Variants in SLC25A46 observed in about 807,000 individuals in gnomAD.
SLC25A46 encodes solute carrier family 25 member 46.
In SLC25A46, 39 loss-of-function variants were observed where a neutral mutation model predicts 44.6. That is an observed-to-expected ratio of 0.87 (90% confidence interval 0.68 to 1.14). SLC25A46 has a LOEUF of 1.14. SLC25A46 is among the 50% of genes most tolerant of loss of function. SLC25A46 has a pLI of 0.00. For synonymous variants in SLC25A46, 202 were observed against 185.8 expected (o/e 1.09, Z -0.71); for missense variants, 547 against 522.7 (o/e 1.05, Z -0.45).
At chr5:110,749,436 A>G (rs1442095930) in intron 5 of SLC25A46, among the ~76,000 whole-genome samples, 1 of 151,662 alleles carries the variant, frequency 6.6e-6, no homozygotes, top group Non-Finnish European at 1.5e-5. Flanking sequence ...AGGAGAAAGC[A>G]TAGATTAAAT....
In SLC25A46 at chr5:110,758,129, T is replaced by A. The variant is rs1232374431; in HGVS notation, c.678+1370T>A. Among the ~76,000 whole-genome samples the A allele has an allele frequency of 2.6e-5, 4 of 152,152 alleles. 1 individual carries two copies. The highest frequency in any genetic ancestry group is 5.9e-5 in the Non-Finnish European group (4 of 68,032). ...TTTTGATCTCTTTTGTCTGCTTTTC[T>A]AGAACTCTTTTTTCTTTAGATTTCT... On this transcript the variant is annotated intron_variant, in intron 7 of 7. Transcript: ENST00000355943.
chr5:110,761,186 T>C lies in SLC25A46; in HGVS notation c.679-18T>C. 6.4e-7 allele frequency: 1 copy of C among 1,557,710 alleles called. No individual in the cohort carries two copies. The highest frequency in any genetic ancestry group is 1.4e-5 in the African/African-American group (1 of 72,498). On this transcript the variant is annotated intron_variant, in intron 7 of 7. Transcript: ENST00000355943. This position sits in a 1 kb window ranked among gnomAD's most constrained non-coding sequence, Gnocchi z 5.3. The stretch of plus-strand genomic sequence containing the variant: ...AAGCAAATGTTAAGTTTTACTTATT[T>C]CATCATTTTTATTTCAGAGTGAGAT...
rs1461781517 is a variant in SLC25A46, at chr5:110,761,180, CTTAT to C, written c.679-21_679-18del. The C allele has an allele frequency of 6.5e-7, 1 of 1,545,678 alleles. No individual in the cohort carries two copies. Among genetic ancestry groups the C allele is most frequent in the South Asian group, 1.2e-5 (1 of 82,374 alleles). On this transcript the variant is annotated intron_variant, in intron 7 of 7. Transcript: ENST00000355943. This position sits in a 1 kb window ranked among gnomAD's most constrained non-coding sequence, Gnocchi z 5.3. ...CAAAATAAGCAAATGTTAAGTTTTA[CTTAT>C]TTCATCATTTTTATTTCAGAGTGAG... is the stretch of plus-strand genomic sequence containing the variant.
intron 5 of SLC25A46, chr5:110,754,442 T>A (rs1800053654): frequency 6.6e-6 from 1 of 151,468 alleles, no homozygotes; most frequent in Admixed American, 6.6e-5. Context: ...CTTTTTGGAC[T>A]TTTCTCTTGA....
chr5:110,739,081 G>A lies in SLC25A46; in HGVS notation c.-39G>A, dbSNP rs770235761. 8 of 1,535,988 alleles carry A rather than the reference G, an allele frequency of 5.2e-6. No homozygotes were observed. In the South Asian group the frequency reaches 6.0e-5, roughly 11 times the overall value. ...AGGTCGTGGTGGCCCCGGTGGTGGT[G>A]GGCTCCGGGCGGGCTCGCGTCATCC... On this transcript the variant is annotated 5_prime_UTR_variant, in exon 1 of 8. Coordinates refer to ENST00000355943, the MANE Select transcript of SLC25A46 (RefSeq NM_138773.4).
Position 110,745,345 on chromosome 5 carries a change from C to T in SLC25A46, c.385-924C>T, listed in dbSNP as rs561038994. 1.2e-4 allele frequency among the ~76,000 whole-genome samples: 18 copies of T among 152,248 alleles called. No homozygotes were observed. In the South Asian group the frequency reaches 3.5e-3, roughly 30 times the overall value. ...CTCGGCTCACTGCAAACTCCGCCTCCTGGGTTCACGCCATTCTCCTGCCTC... is the reference window on the plus strand; with the variant it reads ...CTCGGCTCACTGCAAACTCCGCCTCTTGGGTTCACGCCATTCTCCTGCCTC... On this transcript the variant is annotated intron_variant, in intron 3 of 7. Coordinates refer to ENST00000355943, the MANE Select transcript of SLC25A46 (RefSeq NM_138773.4).
At chr5:110,755,428 G>A in intron 5 of SLC25A46, 37 bp from the exon 6 acceptor site, 1 of 1,313,578 alleles carries the variant, frequency 7.6e-7, no homozygotes, top group Non-Finnish European at 1.1e-6. Context: ...TAAATAACAT[G>A]GCTTTTGTTT....
chr5:110,764,493 T>C lies in SLC25A46; in HGVS notation c.*2711T>C, dbSNP rs926827938. On this transcript the variant is annotated 3_prime_UTR_variant, in exon 8 of 8. Coordinates refer to ENST00000355943, the MANE Select transcript of SLC25A46 (RefSeq NM_138773.4). Reference sequence around the variant, plus strand: ...GGTATTTAATACCTTAGCTGGTGTTTTCAGAAGCATACAGAACTGGAAAGG... The same window carrying C: ...GGTATTTAATACCTTAGCTGGTGTTCTCAGAAGCATACAGAACTGGAAAGG... 5.9e-5 allele frequency: 9 copies of C among 151,884 alleles called. No homozygotes were observed. Among genetic ancestry groups the C allele is most frequent in the African/African-American group, 2.2e-4 (9 of 41,416 alleles). The allele number at this position is 151,884 out of a possible 1,614,324, so 9.4% of individuals were successfully genotyped here.
At position 110,762,136 on chromosome 5, in the gene SLC25A46, C is replaced by T. The variant is rs1309214579; in HGVS notation, c.*354C>T. On this transcript the variant is annotated 3_prime_UTR_variant, in exon 8 of 8. Transcript: ENST00000355943. The stretch of plus-strand genomic sequence containing the variant: ...CCATCTGACTTCAATATTTGCCAAA[C>T]GTTTATTTTACCTCCTAGATTGATG... The T allele has an allele frequency of 2.0e-5, 4 of 204,572 alleles. No individual in the cohort carries two copies. The highest frequency in any genetic ancestry group is 8.3e-5 in the South Asian group (1 of 12,002). 12.7% of individuals were successfully genotyped at this position (204,572 alleles called of 1,614,324 possible).
At chr5:110,753,307 T>TG (rs937651579) in intron 5 of SLC25A46, 3 of 149,702 alleles carry the variant, frequency 2.0e-5, no homozygotes, top group Admixed American at 1.3e-4. Context: ...GTAAGTTTTT[T>TG]TTTTTTTTTT....
intron 6 of SLC25A46, 96 bp downstream of exon 6, chr5:110,755,617 GA>G (rs1270087639): frequency 1.4e-6 from 1 of 728,782 alleles, no homozygotes; most frequent in Non-Finnish European, 2.2e-6. Context: ...TGTAGAGAAG[GA>G]AATTAGAGCA....
chr5:110,741,407 G>A (rs1034663847), intron 1 of SLC25A46, among the ~76,000 whole-genome samples: 1 of 152,154 alleles, frequency 6.6e-6, no homozygotes, highest in Non-Finnish European at 1.5e-5. Context: ...AGATGGGGGA[G>A]AGCTGTATTT....
Position 110,762,338 on chromosome 5 carries a change from A to G in SLC25A46, c.*556A>G, listed in dbSNP as rs1230687099. The G allele has an allele frequency of 6.6e-6, 1 of 152,524 alleles. No homozygotes were observed. Among genetic ancestry groups the G allele is most frequent in the Non-Finnish European group, 1.5e-5 (1 of 68,402 alleles). 9.4% of individuals were successfully genotyped at this position (152,524 alleles called of 1,614,324 possible). ...TAAATTGCATTGTCCCTATGTAACT[A>G]TCTTAATGGCTATATATATGTATTT... On this transcript the variant is annotated 3_prime_UTR_variant, in exon 8 of 8. Coordinates refer to ENST00000355943, the MANE Select transcript of SLC25A46 (RefSeq NM_138773.4).
Position 110,763,818 on chromosome 5 carries a change from C to T in SLC25A46, c.*2036C>T, listed in dbSNP as rs1800321195. The T allele has an allele frequency of 1.3e-5, 2 of 151,674 alleles. No individual in the cohort carries two copies. Among genetic ancestry groups the T allele is most frequent in the South Asian group, 4.2e-4 (2 of 4,808 alleles). 9.4% of individuals were successfully genotyped at this position (151,674 alleles called of 1,614,324 possible). A position where few individuals can be genotyped will look rare whatever the true frequency, so the allele number is the denominator to read the frequency against. ...TTTTCCTTTTTGGAGAAAGAGAATA[C>T]AAATTAACATTAAAATTGAAATGTA... On this transcript the variant is annotated 3_prime_UTR_variant, in exon 8 of 8. Coordinates refer to ENST00000355943, the MANE Select transcript of SLC25A46 (RefSeq NM_138773.4).
intron 1 of SLC25A46, among the ~76,000 whole-genome samples, chr5:110,740,722 C>T (rs560008134): frequency 2.0e-3 from 306 of 152,196 alleles, no homozygotes; most frequent in East Asian, 7.4e-3. Flanking sequence ...GAGGCCAAGG[C>T]GGGCGGATCA....
At chr5:110,745,045 A>G (rs1056468117) in intron 3 of SLC25A46, among the ~76,000 whole-genome samples, 1 of 152,190 alleles carries the variant, frequency 6.6e-6, no homozygotes, top group Non-Finnish European at 1.5e-5. Context: ...ATACAGTTTG[A>G]TGGTGCTGCC....
At chr5:110,740,665 G>A (rs1799646105) in intron 1 of SLC25A46, among the ~76,000 whole-genome samples, 2 of 152,066 alleles carry the variant, frequency 1.3e-5, no homozygotes, top group African/African-American at 2.4e-5. Context: ...ATACAAAATG[G>A]GTAAGGCCGG....
chr5:110,759,325 G>A (rs75678582), intron 7 of SLC25A46, among the ~76,000 whole-genome samples: 8,743 of 152,186 alleles, frequency 0.057, 445 homozygotes, highest in East Asian at 0.2. Flanking sequence ...TTTGTGTAAA[G>A]ATCAACATGC....
Position 110,763,950 on chromosome 5 carries a change from T to G in SLC25A46, c.*2168T>G, listed in dbSNP as rs1025615488. ...AGCTAGCCAAATATGTTGCACTGAA[T>G]TTTGAAAAGAATGAGTGAGATAACT... On this transcript the variant is annotated 3_prime_UTR_variant, in exon 8 of 8. Coordinates refer to ENST00000355943, the MANE Select transcript of SLC25A46 (RefSeq NM_138773.4). 6.6e-6 allele frequency: 1 copy of G among 151,882 alleles called. No individual in the cohort carries two copies. The highest frequency in any genetic ancestry group is 1.5e-5 in the Non-Finnish European group (1 of 67,874). 9.4% of individuals were successfully genotyped at this position (151,882 alleles called of 1,614,324 possible). A position where few individuals can be genotyped will look rare whatever the true frequency, so the allele number is the denominator to read the frequency against.
Sources: allele counts gnomAD v4.1 joint callset (sites outside exome capture counted in the v4.1 genomes callset), GRCh38; gene constraint gnomAD v4.1.1; non-coding constraint Gnocchi (gnomAD v3.1); transcripts MANE v1.5; gene names NCBI Gene and HGNC (gene_info 2026-07-23, HGNC 2026-07-21).